Variants in PPARA observed in about 807,000 individuals in gnomAD.
PPARA encodes the protein peroxisome proliferator activated receptor alpha, also known as peroxisome proliferator-activated receptor alpha.
A neutral mutation model predicts 42.2 loss-of-function variants in PPARA; 22 were observed. The observed-to-expected ratio is 0.52, with a 90% CI of 0.37 to 0.74. PPARA has a LOEUF of 0.74. Among genes scored for constraint, PPARA ranks in the 30% least tolerant of loss-of-function variants. PPARA has a pLI of 0.00. For synonymous variants in PPARA, 242 were observed against 239.3 expected (o/e 1.01, Z -0.10); for missense variants, 465 against 608.2 (o/e 0.76, Z 2.48).
In PPARA at chr22:46,187,058, T is replaced by A. The variant is rs1930919368; in HGVS notation, c.-43+10222T>A. On this transcript the variant is annotated intron_variant, in intron 3 of 8. Coordinates refer to ENST00000407236, the MANE Select transcript of PPARA (RefSeq NM_005036.6). The surrounding 1 kb of genome is among the most constrained non-coding windows in gnomAD (Gnocchi z 4.9). Reference sequence around the variant, plus strand: ...GGAAAGTGAAACCATGGATAAGGGATATCTACTGTATAAGGTGGAGTTTTC... The same window carrying A: ...GGAAAGTGAAACCATGGATAAGGGAAATCTACTGTATAAGGTGGAGTTTTC... Among the ~76,000 whole-genome samples, 2 of 152,218 alleles carry A rather than the reference T, an allele frequency of 1.3e-5. No individual in the cohort carries two copies. Among genetic ancestry groups the A allele is most frequent in the Non-Finnish European group, 2.9e-5 (2 of 68,044 alleles).
Position 46,184,356 on chromosome 22 carries a change from G to C in PPARA, c.-43+7520G>C, listed in dbSNP as rs1930368498. On this transcript the variant is annotated intron_variant, in intron 3 of 8. Transcript: ENST00000407236. The surrounding 1 kb of genome is among the most constrained non-coding windows in gnomAD (Gnocchi z 4.4). ...TACCATAATAGGAGAGAAGTACCAA[G>C]TACCATGGGGAGACAGAGTCCAGAA... Among the ~76,000 whole-genome samples, 1 of 152,194 alleles carries C rather than the reference G, an allele frequency of 6.6e-6. No individual in the cohort carries two copies. The highest frequency in any genetic ancestry group is 2.1e-4 in the South Asian group (1 of 4,832).
At position 46,167,302 on chromosome 22, in the gene PPARA, T is replaced by C. The variant is rs990943890; in HGVS notation, c.-126-9451T>C. Among the ~76,000 whole-genome samples, 1 of 151,442 alleles carries C rather than the reference T, an allele frequency of 6.6e-6. No homozygotes were observed. Among genetic ancestry groups the C allele is most frequent in the Non-Finnish European group, 1.5e-5 (1 of 67,912 alleles). On this transcript the variant is annotated intron_variant, in intron 2 of 8. Transcript: ENST00000407236. This position sits in a 1 kb window ranked among gnomAD's most constrained non-coding sequence, Gnocchi z 4.1. Reference sequence around the variant, plus strand: ...ATATTATATTATGTAATATATATTATATGATACTGTTATGTCATATAATTA... The same window carrying C: ...ATATTATATTATGTAATATATATTACATGATACTGTTATGTCATATAATTA...
chr22:46,220,220 A>C (rs4253757), intron 7 of PPARA: 15,772 of 663,512 alleles, frequency 0.024, 1,325 homozygotes, highest in African/African-American at 0.21. Flanking sequence ...AGCCACCTCA[A>C]AGCTCTTAGC....
At position 46,173,507 on chromosome 22, in the gene PPARA, G is replaced by A. The variant is rs1459630558; in HGVS notation, c.-126-3246G>A. 6.6e-6 allele frequency among the ~76,000 whole-genome samples: 1 copy of A among 152,166 alleles called. No individual in the cohort carries two copies. Among genetic ancestry groups the A allele is most frequent in the African/African-American group, 2.4e-5 (1 of 41,430 alleles). ...ATAAGTTACTATAAGTCAGTACTAA[G>A]GCAGCTGCTACATTCTGTTTGCCAA... On this transcript the variant is annotated intron_variant, in intron 2 of 8. Transcript: ENST00000407236. The surrounding 1 kb of genome is among the most constrained non-coding windows in gnomAD (Gnocchi z 4.3).
chr22:46,172,942 T>C (rs4253652), intron 2 of PPARA, among the ~76,000 whole-genome samples: 3,810 of 152,306 alleles, frequency 0.025, 162 homozygotes, highest in African/African-American at 0.087. Flanking sequence ...CTTACTAGAT[T>C]TCCTGTTCTG....
intron 2 of PPARA, among the ~76,000 whole-genome samples, chr22:46,154,383 C>T (rs1485376361): frequency 2.0e-5 from 3 of 152,030 alleles, no homozygotes; most frequent in Non-Finnish European, 4.4e-5. Context: ...TTTGTGAGGC[C>T]GAAGGGGATG....
At position 46,203,788 on chromosome 22, in the gene PPARA, A is replaced by G. The variant is rs544233258; in HGVS notation, c.208+5197A>G. 1.4e-3 allele frequency among the ~76,000 whole-genome samples: 210 copies of G among 152,228 alleles called. 1 individual carries two copies. The highest frequency in any genetic ancestry group is 2.3e-3 in the Non-Finnish European group (154 of 67,994). ...CCCGTGGCTCCACCCCATTCTCCCA[A>G]TGCCCAGGTGGGTCCCCGTCCCTTG... On this transcript the variant is annotated intron_variant, in intron 4 of 8. Transcript: ENST00000407236. This position sits in a 1 kb window ranked among gnomAD's most constrained non-coding sequence, Gnocchi z 5.8.
Position 46,165,692 on chromosome 22 carries a change from C to T in PPARA, c.-126-11061C>T, listed in dbSNP as rs1165078956. Among the ~76,000 whole-genome samples, 1 of 152,200 alleles carries T rather than the reference C, an allele frequency of 6.6e-6. No individual in the cohort carries two copies. The highest frequency in any genetic ancestry group is 1.5e-5 in the Non-Finnish European group (1 of 68,042). ...GAGGACTGAAGTCCAGTTCTAGCTA[C>T]GCCCAGTCCTTGAGACTGGATTAAG... On this transcript the variant is annotated intron_variant, in intron 2 of 8. Transcript: ENST00000407236. The surrounding 1 kb of genome is among the most constrained non-coding windows in gnomAD (Gnocchi z 5.5).
chr22:46,185,973 ACT>A (rs1569207991), intron 3 of PPARA, among the ~76,000 whole-genome samples: 3 of 102,868 alleles, frequency 2.9e-5, no homozygotes, highest in South Asian at 3.6e-4. Flanking sequence ...ATACACACAC[ACT>A]AACCTTCAGC....
intron 3 of PPARA, among the ~76,000 whole-genome samples, chr22:46,185,894 CCAAAAAA>C (rs1282096166): frequency 4.8e-5 from 1 of 20,862 alleles, no homozygotes. Context: ...GACTCCGTCT[CCAAAAAA>C]AAAAAAAAAA....
At chr22:46,181,213 C>T (rs1001503757) in intron 3 of PPARA, among the ~76,000 whole-genome samples, 2 of 152,064 alleles carry the variant, frequency 1.3e-5, no homozygotes, top group Admixed American at 6.6e-5. Context: ...GACTAAGGAT[C>T]GGGAACTGGG....
Position 46,230,232 on chromosome 22 carries a change from G to A in PPARA, c.712-1560G>A, listed in dbSNP as rs543562227. 1.5e-4 allele frequency among the ~76,000 whole-genome samples: 23 copies of A among 152,302 alleles called. 1 individual carries two copies. The highest frequency in any genetic ancestry group is 5.1e-4 in the African/African-American group (21 of 41,570). On this transcript the variant is annotated intron_variant, in intron 7 of 8. Coordinates refer to ENST00000407236, the MANE Select transcript of PPARA (RefSeq NM_005036.6). The surrounding 1 kb of genome is among the most constrained non-coding windows in gnomAD (Gnocchi z 5.0). ...ACTAAAAATACAAAATTAGCTGGGC[G>A]TGGTGGCGCATGCCTGTAATCCCAG...
rs1446349759 is a variant in PPARA at position 46,234,511 on chromosome 22, C to A, written c.1160-622C>A. The stretch of plus-strand genomic sequence containing the variant: ...AGGTCATCTGGTGTGAATGTTGACT[C>A]TTCCTGCACCAAGTCTCAGACCTGC... On this transcript the variant is annotated intron_variant, in intron 8 of 8. Coordinates refer to ENST00000407236, the MANE Select transcript of PPARA (RefSeq NM_005036.6). The surrounding 1 kb of genome is among the most constrained non-coding windows in gnomAD (Gnocchi z 5.8). 1.3e-5 allele frequency among the ~76,000 whole-genome samples: 2 copies of A among 152,110 alleles called. No homozygotes were observed. The highest frequency in any genetic ancestry group is 4.8e-5 in the African/African-American group (2 of 41,422).
intron 7 of PPARA, among the ~76,000 whole-genome samples, chr22:46,223,843 G>A (rs953688130): frequency 3.5e-5 from 5 of 144,192 alleles, no homozygotes; most frequent in Admixed American, 7.0e-5. Context: ...CCATCTATTC[G>A]GGAGGCTGAG....
At chr22:46,174,007 C>CCTGGCCAACATGGTGAAAACCCG (rs58905114) in intron 2 of PPARA, among the ~76,000 whole-genome samples, 6 of 148,090 alleles carry the variant, frequency 4.1e-5, no homozygotes, top group Non-Finnish European at 6.0e-5. Flanking sequence ...GATCGAGACC[C>CCTGGCCAACATGGTGAAAACCCG]TCTCTACTAA....
intron 5 of PPARA, among the ~76,000 whole-genome samples, chr22:46,215,565 C>G (rs1421880340): frequency 6.6e-6 from 1 of 151,976 alleles, no homozygotes; most frequent in Non-Finnish European, 1.5e-5. Context: ...TGATGAAACC[C>G]TGTCTCTACT....
rs60894989 is a variant in PPARA, at chr22:46,217,819, C to CTTTTTTTT, written c.370-422_370-415dup. Among the ~76,000 whole-genome samples, 89 of 77,060 alleles carry CTTTTTTTT rather than the reference C, an allele frequency of 1.2e-3. 9 individuals are homozygous for CTTTTTTTT. The highest frequency in any genetic ancestry group is 2.8e-3 in the African/African-American group (45 of 16,192). The allele number at this position is 77,060 out of a possible 152,430, so 50.6% of individuals were successfully genotyped here. A position where few individuals can be genotyped will look rare whatever the true frequency, so the allele number is the denominator to read the frequency against. ...GACTTCTTAGAAGAACTATTTCTTT[C>CTTTTTTTT]TTTTTTTTTTTTTTTTTTTTTTTTT... On this transcript the variant is annotated intron_variant, in intron 5 of 8. Coordinates refer to ENST00000407236, the MANE Select transcript of PPARA (RefSeq NM_005036.6).
Position 46,203,626 on chromosome 22 carries a change from G to A in PPARA, c.208+5035G>A, listed in dbSNP as rs1400709663. On this transcript the variant is annotated intron_variant, in intron 4 of 8. Coordinates refer to ENST00000407236, the MANE Select transcript of PPARA (RefSeq NM_005036.6). This position sits in a 1 kb window ranked among gnomAD's most constrained non-coding sequence, Gnocchi z 5.8. ...AAGGGTGAGGAGAGCAGTATTGGGC[G>A]AAAAGGAAAAAAGAAAAAAACTCTC... Among the ~76,000 whole-genome samples the A allele has an allele frequency of 2.0e-5, 3 of 152,136 alleles. No individual in the cohort carries two copies. Among genetic ancestry groups the A allele is most frequent in the South Asian group, 4.1e-4 (2 of 4,828 alleles).
chr22:46,218,112 T>C (rs774892831), intron 5 of PPARA, 151 bp from the exon 6 acceptor site: 3 of 1,084,318 alleles, frequency 2.8e-6, no homozygotes, highest in East Asian at 5.4e-5. Context: ...ATTACAGGCA[T>C]GATCACCATG....
Sources: allele counts gnomAD v4.1 joint callset (sites outside exome capture counted in the v4.1 genomes callset), GRCh38; gene constraint gnomAD v4.1.1; non-coding constraint Gnocchi (gnomAD v3.1); transcripts MANE v1.5; gene names NCBI Gene and HGNC (gene_info 2026-07-23, HGNC 2026-07-21).